The following MTHFD1L variants were observed in gnomAD, a reference collection of about 807,000 sequenced individuals.
The protein encoded by MTHFD1L is monofunctional C1-tetrahydrofolate synthase, mitochondrial.
In MTHFD1L, 81 loss-of-function variants were observed where a neutral mutation model predicts 119.5. The ratio of observed to expected loss-of-function variants is 0.68; its 90% confidence interval spans 0.57 to 0.82. The LOEUF (loss-of-function observed/expected upper bound fraction) is 0.82, where lower values mean the gene tolerates loss of function less well. Ranked by LOEUF, MTHFD1L falls within the 40% of genes least tolerant of loss-of-function variation. The pLI is 0.00. For missense variants in MTHFD1L, 1,125 were observed against 1,253.4 expected, an observed-to-expected ratio of 0.90 and a Z score of 1.55; for synonymous variants, 430 against 475.2, an observed-to-expected ratio of 0.90 and a Z score of 1.24.
At chr6:150,886,518 T>C (rs1452049589) in intron 6 of MTHFD1L, among the ~76,000 whole-genome samples, 1 of 151,898 alleles carries the variant, frequency 6.6e-6, no homozygotes, top group East Asian at 1.9e-4. Flanking sequence ...TTGGGATTTA[T>C]TGGTGAGCAG....
chr6:150,963,934 G>A (rs1038483018), intron 18 of MTHFD1L, among the ~76,000 whole-genome samples: 3 of 152,196 alleles, frequency 2.0e-5, no homozygotes, highest in African/African-American at 4.8e-5. Context: ...TTGAGAGGCC[G>A]AGGCAGGCAG....
intron 27 of MTHFD1L, among the ~76,000 whole-genome samples, chr6:151,093,315 C>A (rs891274775): frequency 5.3e-5 from 8 of 152,140 alleles, no homozygotes; most frequent in African/African-American, 1.9e-4. Context: ...TATAAGGACC[C>A]CAGTCCTATT....
Position 150,944,493 on chromosome 6 carries a change from T to C in MTHFD1L, c.1448T>C (p.Leu483Pro), listed in dbSNP as rs777438425. 6.2e-7 allele frequency: 1 copy of C among 1,611,230 alleles called. No homozygotes were observed. Among genetic ancestry groups the C allele is most frequent in the Non-Finnish European group, 8.5e-7 (1 of 1,177,760 alleles). The stretch of plus-strand genomic sequence containing the variant: ...GATATCTTATTTCTCTAGTTCAACC[T>C]TCACTTGACTGGAGACATCCACGCC... ...AQVIPMEEFN[L>P]HLTGDIHAIT... The change falls in exon 14 of 28, where the codon CTT becomes CCT. Residue 483 changes from leucine to proline, a missense_variant. Leu to Pro is a moderately conservative substitution (Grantham distance 98). This residue lies in a region of MTHFD1L where 1,058 missense variants were observed against 1,151.2 expected (regional missense o/e 0.92). Coordinates refer to ENST00000367321, the MANE Select transcript of MTHFD1L (RefSeq NM_015440.5).
Position 150,926,269 on chromosome 6 carries a change from A to G in MTHFD1L, c.1230A>G (p.Ala410=), listed in dbSNP as rs1326788365. The stretch of plus-strand genomic sequence containing the variant: ...TGCTAGAAAGGTTAAAGGATCAAGC[A>G]GATGGAAAATACGTCTTAGTTGCTG... ...LSVLERLKDQ[A]DGKYVLVAGI... is the part of the protein sequence containing the mutation. The change falls in exon 11 of 28, where the codon GCA becomes GCG. Residue 410 remains alanine, a synonymous_variant. Transcript: ENST00000367321. The surrounding 1 kb of genome is among the most constrained non-coding windows in gnomAD (Gnocchi z 4.3). 1 of 1,612,438 alleles carries G rather than the reference A, an allele frequency of 6.2e-7. No individual in the cohort carries two copies.
intron 13 of MTHFD1L, among the ~76,000 whole-genome samples, chr6:150,942,338 A>G (rs1261954097): frequency 6.6e-6 from 1 of 152,234 alleles, no homozygotes; most frequent in African/African-American, 2.4e-5. Flanking sequence ...GGATTTTTCA[A>G]AATAGTTATG....
intron 11 of MTHFD1L, among the ~76,000 whole-genome samples, chr6:150,929,134 G>C (rs1276186828): frequency 6.6e-6 from 1 of 152,220 alleles, no homozygotes; most frequent in Non-Finnish European, 1.5e-5. Flanking sequence ...GCTGCCTCTG[G>C]TTAGATTGGC....
In MTHFD1L at chr6:150,927,493, G is replaced by A. The variant is rs114859287; in HGVS notation, c.1256+1198G>A. 6.4e-3 allele frequency among the ~76,000 whole-genome samples: 800 copies of A among 124,974 alleles called. 2 individuals carry two copies. Among genetic ancestry groups the A allele is most frequent in the South Asian group, 0.013 (52 of 4,004 alleles). The allele number at this position is 124,974 out of a possible 152,430, so 82.0% of individuals were successfully genotyped here. A position where few individuals can be genotyped will look rare whatever the true frequency, so the allele number is the denominator to read the frequency against. ...TTTTTTTGAGACAGAGTCTTGCTCT[G>A]TTGCCAAGACTGGGGTGCAGTGGTG... On this transcript the variant is annotated intron_variant, in intron 11 of 27. Transcript: ENST00000367321.
In MTHFD1L at chr6:150,960,408, A is replaced by T; in HGVS notation, c.1937A>T (p.Asp646Val). 2 of 1,608,564 alleles carry T rather than the reference A, an allele frequency of 1.2e-6. No homozygotes were observed. Among genetic ancestry groups the T allele is most frequent in the South Asian group, 1.1e-5 (1 of 90,278 alleles). The change falls in exon 18 of 28, where the codon GAT becomes GTT. Residue 646 changes from aspartate (D) to valine (V), a missense_variant. Asp to Val is a radical substitution (Grantham distance 152). Around this residue, in one of 3 missense-constraint regions of MTHFD1L, gnomAD observed 1,058 missense variants for 1,151.2 expected, o/e 0.92. Coordinates refer to ENST00000367321, the MANE Select transcript of MTHFD1L (RefSeq NM_015440.5). ...AAAAGCGGGCAGCCTGTGACAGCAG[A>T]TGATTTGGTGAGTGTTTCCAACTCG... is the stretch of plus-strand genomic sequence containing the variant. ...SDKSGQPVTADDLGVTGALTV... is the reference protein window; with the variant it reads ...SDKSGQPVTAVDLGVTGALTV...
At chr6:150,966,627 C>T (rs1797255699) in intron 19 of MTHFD1L, among the ~76,000 whole-genome samples, 1 of 152,128 alleles carries the variant, frequency 6.6e-6, no homozygotes, top group African/African-American at 2.4e-5. Context: ...ACCTCGAGAC[C>T]AGCCTGGCCA....
intron 20 of MTHFD1L, among the ~76,000 whole-genome samples, chr6:151,000,691 C>T (rs1232801559): frequency 1.3e-5 from 2 of 152,210 alleles, no homozygotes; most frequent in Non-Finnish European, 2.9e-5. Flanking sequence ...ACAATCCTCA[C>T]TTTCTCCCCT....
chr6:150,943,171 C>A (rs1271305236), intron 13 of MTHFD1L, among the ~76,000 whole-genome samples: 1 of 152,044 alleles, frequency 6.6e-6, no homozygotes, highest in Non-Finnish European at 1.5e-5. Context: ...GTCCCAGCTA[C>A]TTGGGAGGCA....
At chr6:150,949,297 C>T (rs1417173298) in intron 16 of MTHFD1L, among the ~76,000 whole-genome samples, 164 bp downstream of exon 16, 1 of 152,142 alleles carries the variant, frequency 6.6e-6, no homozygotes, top group Non-Finnish European at 1.5e-5. Flanking sequence ...TCGTACCACC[C>T]TCCCTTATCC....
intron 8 of MTHFD1L, among the ~76,000 whole-genome samples, chr6:150,916,292 C>CT (rs71554488): frequency 0.27 from 10,757 of 40,042 alleles, 4,544 homozygotes; most frequent in East Asian, 0.47. Context: ...AAGGTAGAAT[C>CT]TTTTTTTTTT....
intron 26 of MTHFD1L, among the ~76,000 whole-genome samples, chr6:151,041,010 C>T (rs145791654): frequency 0.025 from 3,800 of 152,306 alleles, 107 homozygotes; most frequent in Admixed American, 0.092. Context: ...GTGTCATTAT[C>T]TGGTCTTCTC....
intron 27 of MTHFD1L, among the ~76,000 whole-genome samples, chr6:151,094,049 C>T (rs1456156609): frequency 6.6e-6 from 1 of 152,182 alleles, no homozygotes; most frequent in African/African-American, 2.4e-5. Flanking sequence ...TAAACCTCTT[C>T]CCTGGGAGAC....
At chr6:151,081,478 C>T (rs1357549596) in intron 26 of MTHFD1L, among the ~76,000 whole-genome samples, 3 of 140,566 alleles carry the variant, frequency 2.1e-5, no homozygotes, top group African/African-American at 5.4e-5. Context: ...CATGGTGAAA[C>T]GCTGCCTCTA....
chr6:150,954,614 A>C (rs34076992), intron 16 of MTHFD1L, among the ~76,000 whole-genome samples: 43,462 of 151,726 alleles, frequency 0.29, 7,600 homozygotes, highest in East Asian at 0.47. Context: ...GCTTGATCCC[A>C]GGAGGCGAAG....
At chr6:151,067,110 C>T (rs913913100) in intron 26 of MTHFD1L, among the ~76,000 whole-genome samples, 1 of 151,544 alleles carries the variant, frequency 6.6e-6, no homozygotes, top group African/African-American at 2.4e-5. Context: ...TCTCCTGCCT[C>T]AGCCTCCTGA....
chr6:151,005,755 CAA>C (rs959403820), intron 20 of MTHFD1L, among the ~76,000 whole-genome samples: 1 of 151,988 alleles, frequency 6.6e-6, no homozygotes, highest in African/African-American at 2.4e-5. Flanking sequence ...GCCTGGGCGA[CAA>C]GAGTGAAACT....
Sources: gnomAD v4.1 joint callset for allele counts (sites outside exome capture counted in the v4.1 genomes callset) on GRCh38, gnomAD v4.1.1 for gene constraint, gnomAD v4.1.1 regional missense constraint, Gnocchi (gnomAD v3.1) non-coding constraint, MANE v1.5 for transcripts, NCBI Gene and HGNC (gene_info 2026-07-23, HGNC 2026-07-21) for gene names.